Variants in TMEM123 observed in about 807,000 individuals in gnomAD.
The protein encoded by TMEM123 is transmembrane protein 123.
Under a neutral mutation model 19.7 loss-of-function variants are expected in TMEM123, and 16 were observed. The observed-to-expected ratio is 0.81, with a 90% confidence interval of 0.55 to 1.23. The LOEUF is 1.23. TMEM123 is among the 50% of genes most tolerant of loss of function. The pLI is 0.00. For synonymous variants in TMEM123, 118 were observed against 99.4 expected (o/e 1.19, Z -1.12); for missense variants, 313 against 257.8 (o/e 1.21, Z -1.47).
At chr11:102,415,807 AAAAG>A (rs1952040021) in intron 2 of TMEM123, among the ~76,000 whole-genome samples, 1 of 152,246 alleles carries the variant, frequency 6.6e-6, no homozygotes, top group South Asian at 2.1e-4. Flanking sequence ...CTAGCAGAAG[AAAAG>A]AAATAACCAA....
Position 102,452,738 on chromosome 11 carries a change from T to G in TMEM123, c.-115A>C. The G allele has an allele frequency of 2.6e-6, 2 of 771,998 alleles. No homozygotes were observed. The highest frequency in any genetic ancestry group is 3.6e-6 in the Non-Finnish European group (2 of 553,644). The allele number at this position is 771,998 out of a possible 1,614,324, so 47.8% of individuals were successfully genotyped here. ...CCGCTTCCCCTTCGGCCGCGCACGT[T>G]TCCCCTCCCGCCGCTTGCCCCCCGA... On this transcript the variant is annotated 5_prime_UTR_variant, in exon 1 of 5. Transcript: ENST00000398136.
At chr11:102,429,830 CT>C (rs2135856936) in intron 2 of TMEM123, among the ~76,000 whole-genome samples, 1 of 152,344 alleles carries the variant, frequency 6.6e-6, no homozygotes, top group Non-Finnish European at 1.5e-5. Context: ...CACAACACCG[CT>C]TTCCTGTGTC....
intron 2 of TMEM123, among the ~76,000 whole-genome samples, chr11:102,447,906 C>CA (rs1373834311): frequency 1.3e-5 from 2 of 152,176 alleles, no homozygotes; most frequent in African/African-American, 4.8e-5. Flanking sequence ...AAAACTCCAG[C>CA]AAGTTGCAAA....
intron 2 of TMEM123, among the ~76,000 whole-genome samples, chr11:102,427,780 G>C (rs1186428954): frequency 1.3e-5 from 2 of 150,712 alleles, no homozygotes; most frequent in Admixed American, 6.6e-5. Flanking sequence ...AGAGGTTGCA[G>C]TGAGCCGAGA....
intron 2 of TMEM123, among the ~76,000 whole-genome samples, chr11:102,408,357 A>C (rs1565348199): frequency 6.6e-6 from 1 of 152,132 alleles, no homozygotes; most frequent in Non-Finnish European, 1.5e-5. Flanking sequence ...TATTACTCCT[A>C]ATTTTTCTGT....
chr11:102,424,063 C>G (rs1326478278), intron 2 of TMEM123, among the ~76,000 whole-genome samples: 1 of 152,138 alleles, frequency 6.6e-6, no homozygotes, highest in Admixed American at 6.5e-5. Context: ...TCCTAGTTGA[C>G]TGCTGATTAA....
At chr11:102,442,133 C>G (rs962846241) in intron 2 of TMEM123, among the ~76,000 whole-genome samples, 4 of 152,192 alleles carry the variant, frequency 2.6e-5, no homozygotes, top group African/African-American at 4.8e-5. Flanking sequence ...CAAAGAGGAG[C>G]TGGTAGCACT....
chr11:102,447,409 CTT>C (rs1427980324), intron 2 of TMEM123, among the ~76,000 whole-genome samples: 2 of 152,194 alleles, frequency 1.3e-5, no homozygotes, highest in Non-Finnish European at 2.9e-5. Context: ...CCTAACCACT[CTT>C]GAGTTTCAAT....
chr11:102,417,779 G>A (rs1315694996), intron 2 of TMEM123, among the ~76,000 whole-genome samples: 8 of 151,906 alleles, frequency 5.3e-5, no homozygotes, highest in African/African-American at 7.3e-5. Context: ...GCATGGTATC[G>A]GTACAGAAAC....
At chr11:102,404,945 AAT>A (rs1176223476) in intron 2 of TMEM123, among the ~76,000 whole-genome samples, 1 of 152,094 alleles carries the variant, frequency 6.6e-6, no homozygotes, top group Non-Finnish European at 1.5e-5. Flanking sequence ...AGTTGGTTTT[AAT>A]AGTGCTGCTT....
intron 3 of TMEM123, 48 bp downstream of exon 3, chr11:102,401,868 T>A (rs761893822): frequency 6.3e-7 from 1 of 1,581,542 alleles, no homozygotes; most frequent in South Asian, 1.2e-5. Context: ...AAATGTGGCA[T>A]TTAACTACTT....
chr11:102,411,754 CTTG>C (rs1358115012), intron 2 of TMEM123, among the ~76,000 whole-genome samples: 1 of 151,700 alleles, frequency 6.6e-6, no homozygotes, highest in African/African-American at 2.4e-5. Context: ...TTTCCCAGGT[CTTG>C]TTTATCTTTT....
At chr11:102,432,593 T>A (rs1314291087) in intron 2 of TMEM123, among the ~76,000 whole-genome samples, 2 of 152,226 alleles carry the variant, frequency 1.3e-5, no homozygotes, top group Admixed American at 6.5e-5. Flanking sequence ...AGAAAACCCA[T>A]TCTCTGAGGA....
At chr11:102,405,983 A>G (rs1027155392) in intron 2 of TMEM123, among the ~76,000 whole-genome samples, 2 of 152,210 alleles carry the variant, frequency 1.3e-5, no homozygotes, top group African/African-American at 2.4e-5. Flanking sequence ...TTCTTCTGTA[A>G]TAAGTAAATA....
chr11:102,401,912 A>G lies in TMEM123; in HGVS notation c.448+4T>C. 1 of 1,612,846 alleles carries G rather than the reference A, an allele frequency of 6.2e-7. No homozygotes were observed. Among genetic ancestry groups the G allele is most frequent in the South Asian group, 1.1e-5 (1 of 90,926 alleles). On this transcript the variant is annotated splice_donor_region_variant and intron_variant, in intron 3 of 4. Coordinates refer to ENST00000398136, the MANE Select transcript of TMEM123 (RefSeq NM_052932.3). The stretch of plus-strand genomic sequence containing the variant: ...GGAAAAAAAAGGTCAGCTTTAATAC[A>G]TACTTGTTACTGATGAAGCAGCAGA...
At chr11:102,431,467 C>CT (rs1857708815) in intron 2 of TMEM123, among the ~76,000 whole-genome samples, 1 of 152,180 alleles carries the variant, frequency 6.6e-6, no homozygotes, top group South Asian at 2.1e-4. Context: ...ATTCACTATG[C>CT]TGTGCAATAG....
intron 2 of TMEM123, among the ~76,000 whole-genome samples, chr11:102,425,457 T>C (rs1403747939): frequency 6.6e-6 from 1 of 152,104 alleles, no homozygotes; most frequent in East Asian, 1.9e-4. Context: ...GTTCATGTTG[T>C]GTCCTCCAAT....
In TMEM123 at chr11:102,419,178, G is replaced by C. The variant is rs78773338; in HGVS notation, c.158-16972C>G. On this transcript the variant is annotated intron_variant, in intron 2 of 4. Coordinates refer to ENST00000398136, the MANE Select transcript of TMEM123 (RefSeq NM_052932.3). ...GCCTAAAATAAAAGAAAAACAAAAA[G>C]TGCATGCATTCAAGTTTATGGCTTT... 1.4e-4 allele frequency among the ~76,000 whole-genome samples: 21 copies of C among 152,214 alleles called. No homozygotes were observed. The East Asian group carries it at 4.1e-3, about 29-fold the overall frequency.
intron 3 of TMEM123, 95 bp downstream of exon 3, chr11:102,401,821 G>A (rs1782338085): frequency 6.6e-7 from 1 of 1,506,328 alleles, no homozygotes; most frequent in Non-Finnish European, 8.9e-7. Flanking sequence ...GGCATATAAA[G>A]TTTCTATATT....
Sources: allele counts gnomAD v4.1 joint callset (sites outside exome capture counted in the v4.1 genomes callset), GRCh38; gene constraint gnomAD v4.1.1; transcripts MANE v1.5; gene names NCBI Gene and HGNC (gene_info 2026-07-23, HGNC 2026-07-21).